Variants in NUP210 observed in about 807,000 individuals in gnomAD.
NUP210 encodes the protein nuclear pore membrane glycoprotein 210.
In NUP210, 151 loss-of-function variants were observed where a neutral mutation model predicts 196.0. The ratio of observed to expected loss-of-function variants is 0.77; its 90% confidence interval spans 0.67 to 0.88. The LOEUF (loss-of-function observed/expected upper bound fraction) is 0.88. Ranked by LOEUF, NUP210 falls within the 40% of genes least tolerant of loss-of-function variation. NUP210 has a pLI of 0.00. For synonymous variants in NUP210, 1,070 were observed against 1,052.7 expected (o/e 1.02, Z -0.32); for missense variants, 2,314 against 2,493.7 (o/e 0.93, Z 1.53).
At chr3:13,400,087 A>G (rs371185918) in intron 1 of NUP210, among the ~76,000 whole-genome samples, 1 of 152,216 alleles carries the variant, frequency 6.6e-6, no homozygotes, top group East Asian at 1.9e-4. Flanking sequence ...CTGTGCACAC[A>G]GTTCCCATGG....
At chr3:13,390,889 A>G (rs968045275) in intron 4 of NUP210, among the ~76,000 whole-genome samples, 2 of 152,194 alleles carry the variant, frequency 1.3e-5, no homozygotes, top group African/African-American at 4.8e-5. Context: ...CTGGCCCCCC[A>G]GAAGTGCAGC....
At chr3:13,392,664 C>T (rs964023470) in intron 3 of NUP210, among the ~76,000 whole-genome samples, 3 of 152,236 alleles carry the variant, frequency 2.0e-5, no homozygotes, top group Admixed American at 6.5e-5. Context: ...GGATGAGGAG[C>T]TCATCGCCCA....
rs1401717499 is a variant in NUP210 at position 13,399,868 on chromosome 3, T to C, written c.168-7A>G. 6.3e-7 allele frequency: 1 copy of C among 1,598,988 alleles called. No homozygotes were observed. The highest frequency in any genetic ancestry group is 1.1e-5 in the South Asian group (1 of 87,954). On this transcript the variant is annotated splice_polypyrimidine_tract_variant and splice_region_variant and intron_variant, in intron 1 of 39. Coordinates refer to ENST00000254508, the MANE Select transcript of NUP210 (RefSeq NM_024923.4). ...CTCCGGCCGGGTGGACAACCTGCAGTGGAAGAAGACAGCATTTACTCTCTG... is the reference window on the plus strand; with the variant it reads ...CTCCGGCCGGGTGGACAACCTGCAGCGGAAGAAGACAGCATTTACTCTCTG...
chr3:13,337,045 G>T, intron 26 of NUP210, 127 bp from the exon 27 acceptor site: 1 of 1,194,650 alleles, frequency 8.4e-7, no homozygotes, highest in Non-Finnish European at 1.2e-6. Context: ...GAAGAGCATG[G>T]CACAGGTTTG....
chr3:13,340,102 G>C lies in NUP210; in HGVS notation c.3292-69C>G. On this transcript the variant is annotated intron_variant, in intron 24 of 39. Transcript: ENST00000254508. This position sits in a 1 kb window ranked among gnomAD's most constrained non-coding sequence, Gnocchi z 4.0. ...AGGCAGCCCGCACCTCCCACTCAGA[G>C]AGCCAGGGCCCCAGTGCAGGCAGCT... 2 of 1,601,928 alleles carry C rather than the reference G, an allele frequency of 1.2e-6. No homozygotes were observed. Among genetic ancestry groups the C allele is most frequent in the Non-Finnish European group, 8.5e-7 (1 of 1,171,924 alleles).
In NUP210 at chr3:13,319,076, G is replaced by A. The variant is rs765010718; in HGVS notation, c.5559C>T (p.Pro1853=). The A allele has an allele frequency of 1.0e-5, 16 of 1,601,924 alleles. No homozygotes were observed. Among genetic ancestry groups the A allele is most frequent in the African/African-American group, 1.3e-5 (1 of 74,746 alleles). The part of the protein sequence containing the change: ...LTPRASPGHS[P]HYFAASSPTS... The stretch of plus-strand genomic sequence containing the variant: ...GCCTGCAGGGGGGCTACTCACAGTG[G>A]GGGCTGTGTCCAGGGCTGGCTCGAG... The change falls in exon 39 of 40, where the codon CCC becomes CCT. Residue 1853 remains proline (P), a synonymous_variant. Coordinates refer to ENST00000254508, the MANE Select transcript of NUP210 (RefSeq NM_024923.4).
At chr3:13,336,965 G>C in intron 26 of NUP210, 47 bp from the exon 27 acceptor site, 1 of 1,608,662 alleles carries the variant, frequency 6.2e-7, no homozygotes, top group East Asian at 2.2e-5. Flanking sequence ...CCCAGCACTG[G>C]GAATGCCCCC....
chr3:13,378,601 T>C (rs1699000642), intron 8 of NUP210, among the ~76,000 whole-genome samples: 1 of 152,174 alleles, frequency 6.6e-6, no homozygotes, highest in African/African-American at 2.4e-5. Context: ...CCTCTAAATG[T>C]CCATAGCAAT....
chr3:13,336,784 T>C lies in NUP210; in HGVS notation c.3684+3A>G. 6.2e-7 allele frequency: 1 copy of C among 1,612,438 alleles called. No homozygotes were observed. Among genetic ancestry groups the C allele is most frequent in the Non-Finnish European group, 8.5e-7 (1 of 1,179,176 alleles). ...GTGAGCTCTGGAGGGGGTGGTTACC[T>C]ACCTCGTGGTGCCGCCCTCGGAGGT... On this transcript the variant is annotated splice_donor_region_variant and intron_variant, in intron 27 of 39. Coordinates refer to ENST00000254508, the MANE Select transcript of NUP210 (RefSeq NM_024923.4).
rs921830222 is a variant in NUP210 at position 13,348,739 on chromosome 3, G to C, written c.2835+3140C>G. On this transcript the variant is annotated intron_variant, in intron 20 of 39. Coordinates refer to ENST00000254508, the MANE Select transcript of NUP210 (RefSeq NM_024923.4). This position sits in a 1 kb window ranked among gnomAD's most constrained non-coding sequence, Gnocchi z 4.0. ...CTGCTGAGGGCGTCCTGCCATCCAA[G>C]GGTCTGCCTCTGAGAAGAACAGGAA... 1 of 985,258 alleles carries C rather than the reference G, an allele frequency of 1.0e-6. No homozygotes were observed. The highest frequency in any genetic ancestry group is 1.7e-5 in the African/African-American group (1 of 57,214). The allele number at this position is 985,258 out of a possible 1,614,324, so 61.0% of individuals were successfully genotyped here.
At chr3:13,333,855 A>G (rs1311279913) in intron 28 of NUP210, among the ~76,000 whole-genome samples, 2 of 152,140 alleles carry the variant, frequency 1.3e-5, no homozygotes, top group African/African-American at 4.8e-5. Flanking sequence ...GAGTTGTAAG[A>G]TATTTCCCAC....
intron 26 of NUP210, among the ~76,000 whole-genome samples, chr3:13,337,458 G>C (rs548559438): frequency 6.6e-6 from 1 of 152,358 alleles, no homozygotes; most frequent in Admixed American, 6.5e-5. Flanking sequence ...CGGGTCTTAA[G>C]CTTTCTGTGT....
At chr3:13,414,642 G>A (rs546749015) in intron 1 of NUP210, among the ~76,000 whole-genome samples, 21 of 152,040 alleles carry the variant, frequency 1.4e-4, no homozygotes, top group East Asian at 9.7e-4. Context: ...CTGCCTTTGC[G>A]CACTTCTGAC....
intron 36 of NUP210, among the ~76,000 whole-genome samples, chr3:13,321,154 T>C (rs1454786636): frequency 3.3e-5 from 5 of 152,232 alleles, no homozygotes. Flanking sequence ...TGAGGGATCA[T>C]TCACCCACCA....
chr3:13,395,474 C>T (rs55809373), intron 3 of NUP210, among the ~76,000 whole-genome samples: 27,897 of 152,114 alleles, frequency 0.18, 2,650 homozygotes, highest in East Asian at 0.29. Flanking sequence ...TGCGCCACCA[C>T]GCCTGGCTTA....
intron 30 of NUP210, among the ~76,000 whole-genome samples, chr3:13,329,333 G>A (rs566935570): frequency 1.3e-5 from 2 of 152,212 alleles, no homozygotes; most frequent in Non-Finnish European, 2.9e-5. Flanking sequence ...CAGGGGCAGC[G>A]CTAAGCAGGC....
chr3:13,373,838 C>A lies in NUP210; in HGVS notation c.1467G>T (p.Ser489=). 1.2e-6 allele frequency: 2 copies of A among 1,613,816 alleles called. No individual in the cohort carries two copies. The highest frequency in any genetic ancestry group is 1.1e-5 in the South Asian group (1 of 90,990). The change falls in exon 12 of 40, where the codon TCG becomes TCT. Residue 489 remains serine (S), a synonymous_variant. Coordinates refer to ENST00000254508, the MANE Select transcript of NUP210 (RefSeq NM_024923.4). ...TAACTGTGGCAACCAGGTGGCTTGA[C>A]GAAGACCAGCTGAAGTTCCCACTGC... is the stretch of plus-strand genomic sequence containing the variant. ...HGGSGNFSWS[S]SSHLVATVTV... is the part of the protein sequence containing the mutation.
At chr3:13,328,625 A>G (rs573160584) in intron 31 of NUP210, 146 bp downstream of exon 31, 170 of 752,374 alleles carry the variant, frequency 2.3e-4, no homozygotes, top group Non-Finnish European at 3.6e-4. Flanking sequence ...GTGGCCCTGC[A>G]TGGTGCAGCA....
chr3:13,321,883 C>T (rs199705558), intron 35 of NUP210, 48 bp from the exon 36 acceptor site: 231 of 1,578,730 alleles, frequency 1.5e-4, no homozygotes, highest in Non-Finnish European at 1.8e-4. Context: ...TGCCCGTGCA[C>T]TGATGTCATT....
Sources: allele counts gnomAD v4.1 joint callset (sites outside exome capture counted in the v4.1 genomes callset), GRCh38; gene constraint gnomAD v4.1.1; non-coding constraint Gnocchi (gnomAD v3.1); transcripts MANE v1.5; gene names NCBI Gene and HGNC (gene_info 2026-07-23, HGNC 2026-07-21).